The following PPP4R1 variants were observed in gnomAD, a reference collection of about 807,000 sequenced individuals.
PPP4R1 encodes protein phosphatase 4 regulatory subunit 1, also known as serine/threonine-protein phosphatase 4 regulatory subunit 1.
PPP4R1 carries 42 observed loss-of-function variants against 111.2 expected under a neutral mutation model. That is an observed-to-expected ratio of 0.38 (90% CI 0.29 to 0.49). PPP4R1 has a LOEUF of 0.49. Among genes scored for constraint, PPP4R1 ranks in the 20% least tolerant of loss-of-function variants. The pLI is 0.97. For missense variants in PPP4R1, 1,012 were observed against 1,161.6 expected, an observed-to-expected ratio of 0.87 and a Z score of 1.87; for synonymous variants, 409 against 405.5, an observed-to-expected ratio of 1.01 and a Z score of -0.10.
intron 11 of PPP4R1, among the ~76,000 whole-genome samples, chr18:9,569,191 GAAAAAA>G (rs1175501445): frequency 1.9e-5 from 1 of 53,312 alleles, no homozygotes. Context: ...CTCCGTCTCA[GAAAAAA>G]AAAAAAAAAA....
chr18:9,615,853 C>T (rs8090926), upstream of PPP4R1, among the ~76,000 whole-genome samples: 29,448 of 152,090 alleles, frequency 0.19, 3,175 homozygotes, highest in East Asian at 0.46. Flanking sequence ...GAATCAGATC[C>T]TCTGAGATTC....
chr18:9,609,403 G>A (rs1156558729), intron 2 of PPP4R1, among the ~76,000 whole-genome samples: 1 of 152,124 alleles, frequency 6.6e-6, no homozygotes, highest in Non-Finnish European at 1.5e-5. Context: ...AGGACTCTAA[G>A]CTTATCAGAA....
rs764465055 is a variant in PPP4R1, at chr18:9,563,479, C to G, written c.1645G>C (p.Glu549Gln). The G allele has an allele frequency of 1.2e-6, 2 of 1,607,376 alleles. No homozygotes were observed. The highest frequency in any genetic ancestry group is 1.7e-6 in the Non-Finnish European group (2 of 1,174,254). The change falls in exon 12 of 20, where the codon GAA (glutamate) becomes CAA (glutamine). Residue 549 changes from glutamate to glutamine, a missense_variant. By Grantham distance (29) the Glu-to-Gln change is conservative. Coordinates refer to ENST00000400556, the MANE Select transcript of PPP4R1 (RefSeq NM_001042388.3). ...TCATCTTGCAAATCACTTCTCTTTT[C>G]TATACTGATGGTCTCTTCATGTGCA... ...LDAHEETISI[E>Q]KRSDLQDELD...
chr18:9,547,742 A>C lies in PPP4R1; in HGVS notation c.*47T>G. ...TCACATGCGTGGCGAATGCCCACTGAACCTCGGCTCTCATGGAAGCAGGAA... is the reference window on the plus strand; with the variant it reads ...TCACATGCGTGGCGAATGCCCACTGCACCTCGGCTCTCATGGAAGCAGGAA... On this transcript the variant is annotated 3_prime_UTR_variant, in exon 20 of 20. Coordinates refer to ENST00000400556, the MANE Select transcript of PPP4R1 (RefSeq NM_001042388.3). 1.9e-6 allele frequency: 3 copies of C among 1,603,728 alleles called. No homozygotes were observed. Among genetic ancestry groups the C allele is most frequent in the Non-Finnish European group, 2.6e-6 (3 of 1,172,768 alleles).
chr18:9,573,613 T>TA (rs2066895013), intron 10 of PPP4R1, among the ~76,000 whole-genome samples: 1 of 152,310 alleles, frequency 6.6e-6, no homozygotes, highest in Admixed American at 6.5e-5. Flanking sequence ...ATTGTTTTTT[T>TA]AAGAGACAGG....
At chr18:9,604,067 C>T (rs1280968610) in intron 2 of PPP4R1, among the ~76,000 whole-genome samples, 1 of 152,132 alleles carries the variant, frequency 6.6e-6, no homozygotes, top group Non-Finnish European at 1.5e-5. Flanking sequence ...AGTGATACAA[C>T]TCTATGTTTA....
At chr18:9,568,697 T>A (rs568753090) in intron 11 of PPP4R1, among the ~76,000 whole-genome samples, 1 of 152,268 alleles carries the variant, frequency 6.6e-6, no homozygotes, top group East Asian at 1.9e-4. Context: ...CAGAACCGGC[T>A]TAAGGACAAC....
At chr18:9,575,725 G>C (rs2066925641) in intron 10 of PPP4R1, among the ~76,000 whole-genome samples, 1 of 152,166 alleles carries the variant, frequency 6.6e-6, no homozygotes, top group South Asian at 2.1e-4. Context: ...CTGGAACACA[G>C]CCAAGCTTGT....
Position 9,562,864 on chromosome 18 carries a change from G to A in PPP4R1, c.1746+514C>T, listed in dbSNP as rs144891471. On this transcript the variant is annotated intron_variant, in intron 12 of 19. Transcript: ENST00000400556. ...GGAGATGCAGCAGGAAATTAGGGAA[G>A]GATCATAGAGAACAGCTACAAGTAC... 1.6e-5 allele frequency: 16 copies of A among 985,542 alleles called. No homozygotes were observed. In the African/African-American group the frequency reaches 2.8e-4, roughly 17 times the overall value. 61.0% of individuals were successfully genotyped at this position (985,542 alleles called of 1,614,324 possible).
intron 15 of PPP4R1, among the ~76,000 whole-genome samples, chr18:9,555,174 G>A (rs1480303574): frequency 5.3e-5 from 8 of 152,006 alleles, no homozygotes; most frequent in African/African-American, 4.8e-5. Context: ...GTGGTGGTGC[G>A]CCTGTGGCCC....
chr18:9,602,774 T>G (rs2067411522), intron 2 of PPP4R1, among the ~76,000 whole-genome samples: 1 of 147,132 alleles, frequency 6.8e-6, no homozygotes, highest in South Asian at 2.1e-4. Context: ...CGAGCTGAAA[T>G]CGCGCCACTG....
At chr18:9,569,679 T>C (rs2066828062) in intron 11 of PPP4R1, among the ~76,000 whole-genome samples, 1 of 152,202 alleles carries the variant, frequency 6.6e-6, no homozygotes, top group African/African-American at 2.4e-5. Flanking sequence ...CAAGAGAATT[T>C]AGAAATACAT....
chr18:9,594,732 T>C, intron 3 of PPP4R1: 1 of 330,832 alleles, frequency 3.0e-6, no homozygotes, highest in Non-Finnish European at 5.7e-6. Flanking sequence ...ATAATGTACT[T>C]CCCAATAAGC....
chr18:9,600,705 C>A (rs1372186665), intron 2 of PPP4R1, among the ~76,000 whole-genome samples: 1 of 151,894 alleles, frequency 6.6e-6, no homozygotes, highest in Non-Finnish European at 1.5e-5. Flanking sequence ...ATGGTGAAAC[C>A]CCATCTCTAT....
rs953996694 is a variant in PPP4R1, at chr18:9,584,759, C to A, written c.655G>T (p.Glu219Ter). Reference sequence around the variant, plus strand: ...AACATTCTGCAATCGCAGCACATCTCACAAAACCTAGGGAGGATAAGACGC... The same window carrying A: ...AACATTCTGCAATCGCAGCACATCTAACAAAACCTAGGGAGGATAAGACGC... Reference protein sequence around the residue: ...TERLILPRFCEMCCDCRMFHV... With the variant: ...TERLILPRFC The change falls in exon 7 of 20, where the codon GAG (glutamate) becomes TAG (stop). Residue 219 changes from glutamate (E) to a stop codon, truncating the protein, a stop_gained. Coordinates refer to ENST00000400556, the MANE Select transcript of PPP4R1 (RefSeq NM_001042388.3). LOFTEE classifies it high-confidence loss of function. 4.3e-6 allele frequency: 7 copies of A among 1,613,824 alleles called. No individual in the cohort carries two copies. The highest frequency in any genetic ancestry group is 5.9e-6 in the Non-Finnish European group (7 of 1,179,792).
At chr18:9,563,111 T>A in intron 12 of PPP4R1, 1 of 1,143,222 alleles carries the variant, frequency 8.7e-7, no homozygotes, top group Non-Finnish European at 1.1e-6. Flanking sequence ...GTAAGACTAT[T>A]TCACTGCAGT....
chr18:9,594,087 C>G (rs1025055389), intron 3 of PPP4R1: 7 of 430,000 alleles, frequency 1.6e-5, no homozygotes, highest in South Asian at 1.1e-4. Context: ...ACCACCACAC[C>G]TGGCTAATTT....
chr18:9,609,677 CTT>C (rs2067544900), intron 2 of PPP4R1, among the ~76,000 whole-genome samples: 1 of 152,216 alleles, frequency 6.6e-6, no homozygotes, highest in Non-Finnish European at 1.5e-5. Flanking sequence ...AATAAGCTGT[CTT>C]ATACCCAAGC....
chr18:9,559,318 G>T, intron 14 of PPP4R1, 101 bp downstream of exon 14: 2 of 1,165,394 alleles, frequency 1.7e-6, no homozygotes, highest in Non-Finnish European at 2.3e-6. Context: ...ATAACACTAA[G>T]AACATGCTAG....
Sources: allele counts gnomAD v4.1 joint callset (sites outside exome capture counted in the v4.1 genomes callset), GRCh38; gene constraint gnomAD v4.1.1; transcripts MANE v1.5; gene names NCBI Gene and HGNC (gene_info 2026-07-23, HGNC 2026-07-21).